Variants in TNK2 observed in about 807,000 individuals in gnomAD.
The protein encoded by TNK2 is tyrosine kinase non receptor 2.
Under a neutral mutation model 101.8 loss-of-function variants are expected in TNK2, and 83 were observed. The observed-to-expected ratio is 0.82, with a 90% CI of 0.68 to 0.98. The LOEUF (loss-of-function observed/expected upper bound fraction) is 0.98. Among genes scored for constraint, TNK2 ranks in the 50% least tolerant of loss-of-function variants. The pLI is 0.00. For synonymous variants in TNK2, 804 were observed against 633.0 expected (o/e 1.27, Z -4.06); for missense variants, 1,665 against 1,483.2 (o/e 1.12, Z -2.01).
At position 195,867,162 on chromosome 3, in the gene TNK2, G is replaced by T. The variant is rs1432051716; in HGVS notation, c.3033+7C>A. The T allele has an allele frequency of 3.7e-6, 6 of 1,612,396 alleles. No homozygotes were observed. In the African/African-American group the frequency reaches 8.0e-5, roughly 22 times the overall value. On this transcript the variant is annotated splice_region_variant and intron_variant, in intron 14 of 15. Transcript: ENST00000672887. Reference sequence around the variant, plus strand: ...TGAGAGCCAGAGTGAGCAGGAGGTGGCGGTACCTTCAGATACTGGGCAGCC... The same window carrying T: ...TGAGAGCCAGAGTGAGCAGGAGGTGTCGGTACCTTCAGATACTGGGCAGCC...
chr3:195,892,466 G>A (rs1560536836), intron 1 of TNK2: 1 of 1,535,632 alleles, frequency 6.5e-7, no homozygotes, highest in East Asian at 2.4e-5. Context: ...CTCCAGGCCA[G>A]GGAACCGACG....
At chr3:195,881,574 A>G (rs1432896469) in intron 6 of TNK2, among the ~76,000 whole-genome samples, 1 of 58,700 alleles carries the variant, frequency 1.7e-5, no homozygotes, top group Non-Finnish European at 2.8e-5. Flanking sequence ...CACAGCATCT[A>G]TCCCTGTAAC....
chr3:195,888,637 G>A lies in TNK2; in HGVS notation c.-18-31C>T. 1 of 1,580,652 alleles carries A rather than the reference G, an allele frequency of 6.3e-7. No individual in the cohort carries two copies. Reference sequence around the variant, plus strand: ...GGGGGAGGAGTGGCTCAGGGACAAGGGTTGTGGGGGGACAACAGGGGCCTG... The same window carrying A: ...GGGGGAGGAGTGGCTCAGGGACAAGAGTTGTGGGGGGACAACAGGGGCCTG... On this transcript the variant is annotated intron_variant, in intron 1 of 15. Coordinates refer to ENST00000672887, the MANE Select transcript of TNK2 (RefSeq NM_001382273.1). The surrounding 1 kb of genome is among the most constrained non-coding windows in gnomAD (Gnocchi z 5.3).
intron 14 of TNK2, 67 bp downstream of exon 14, chr3:195,867,102 G>C: frequency 6.2e-7 from 1 of 1,608,024 alleles, no homozygotes; most frequent in Non-Finnish European, 8.5e-7. Flanking sequence ...AGGGGGCGTG[G>C]GGCTGGGGGC....
intron 1 of TNK2, among the ~76,000 whole-genome samples, chr3:195,890,418 T>C (rs1161593185): frequency 6.6e-6 from 1 of 152,030 alleles, no homozygotes; most frequent in Non-Finnish European, 1.5e-5. Context: ...GATCCCACTT[T>C]ATATATAAAT....
At chr3:195,905,487 C>G (rs1158510843) in intron 1 of TNK2, among the ~76,000 whole-genome samples, 1 of 152,130 alleles carries the variant, frequency 6.6e-6, no homozygotes, top group Admixed American at 6.6e-5. Flanking sequence ...GAGTGAGCCA[C>G]CGTGCCCAGC....
At chr3:195,865,698 G>A (rs544944249) in intron 15 of TNK2, among the ~76,000 whole-genome samples, 1 of 147,168 alleles carries the variant, frequency 6.8e-6, no homozygotes, top group Non-Finnish European at 1.5e-5. Context: ...AGTTAAGAAC[G>A]ACCCGAGACA....
At position 195,867,563 on chromosome 3, in the gene TNK2, G is replaced by T; in HGVS notation, c.2735C>A (p.Pro912His). ...GGGGGCGGCGGGGGCTGGGGTGCTGGGTGGGGGCAGCAGCAGAGGCACAGG... is the reference window on the plus strand; with the variant it reads ...GGGGGCGGCGGGGGCTGGGGTGCTGTGTGGGGGCAGCAGCAGAGGCACAGG... ...PLPVPLLLPP[P>H]STPAPAAPTA... Residue 912 changes from proline (P) to histidine (H), a missense_variant, in exon 13 of 16, where the codon CCC (proline) becomes CAC (histidine). Pro to His is a moderately conservative substitution (Grantham distance 77). This residue lies in a region of TNK2 where 1,136 missense variants were observed against 894.9 expected (regional missense o/e 1.27). Coordinates refer to ENST00000672887, the MANE Select transcript of TNK2 (RefSeq NM_001382273.1). The T allele has an allele frequency of 6.4e-7, 1 of 1,570,782 alleles. No homozygotes were observed. The highest frequency in any genetic ancestry group is 8.6e-7 in the Non-Finnish European group (1 of 1,166,342).
chr3:195,878,989 G>GC lies in TNK2; in HGVS notation c.1014+59dup. 1.3e-6 allele frequency: 2 copies of GC among 1,590,404 alleles called. No individual in the cohort carries two copies. The highest frequency in any genetic ancestry group is 3.4e-5 in the Admixed American group (2 of 59,556). ...GAGGCAGTTCCAGCAGGGCCAGGCT[G>GC]CAAGCAGGGAATGGAATTCACCCCA... On this transcript the variant is annotated intron_variant, in intron 7 of 15. Coordinates refer to ENST00000672887, the MANE Select transcript of TNK2 (RefSeq NM_001382273.1). The surrounding 1 kb of genome is among the most constrained non-coding windows in gnomAD (Gnocchi z 4.7).
chr3:195,867,698 T>C lies in TNK2; in HGVS notation c.2600A>G (p.Lys867Arg), dbSNP rs916534153. ...GTAATAGTGGGTGCTGCTGACCTTCTTGCCATCCCGGACGATGGGCAGGAT... is the reference window on the plus strand; with the variant it reads ...GTAATAGTGGGTGCTGCTGACCTTCCTGCCATCCCGGACGATGGGCAGGAT... The part of the protein sequence containing the change: ...PCILPIVRDG[K>R]KVSSTHYYLL... Residue 867 changes from lysine (K) to arginine (R), a missense_variant, in exon 13 of 16, where the codon AAG becomes AGG. This residue lies in a region of TNK2 where 1,136 missense variants were observed against 894.9 expected (regional missense o/e 1.27). Coordinates refer to ENST00000672887, the MANE Select transcript of TNK2 (RefSeq NM_001382273.1). 4 of 1,608,924 alleles carry C rather than the reference T, an allele frequency of 2.5e-6. No individual in the cohort carries two copies. The highest frequency in any genetic ancestry group is 2.7e-5 in the African/African-American group (2 of 74,820).
intron 12 of TNK2, 169 bp from the exon 13 acceptor site, chr3:195,868,878 C>G (rs540741216): frequency 2.8e-6 from 2 of 726,140 alleles, no homozygotes; most frequent in Non-Finnish European, 4.3e-6. Flanking sequence ...AGCGCACCTC[C>G]GACCACTCCA....
At chr3:195,870,373 G>T (rs1006154426) in intron 10 of TNK2, 168 bp from the exon 11 acceptor site, 1 of 1,482,366 alleles carries the variant, frequency 6.7e-7, no homozygotes. Context: ...TCAGCTGGGG[G>T]GTGTCCTGGA....
rs538927174 is a variant in TNK2, at chr3:195,868,779, C to T, written c.1589-70G>A. On this transcript the variant is annotated intron_variant, in intron 12 of 15. Transcript: ENST00000672887. ...GTCTGGGACACGAGGGGAGGTGGCA[C>T]GTGGGAGAGAAAGCCAAGTGTCCCC... 67 of 1,460,814 alleles carry T rather than the reference C, an allele frequency of 4.6e-5. 1 individual carries two copies. The highest frequency in any genetic ancestry group is 4.5e-4 in the South Asian group (33 of 72,590). 90.5% of individuals were successfully genotyped at this position (1,460,814 alleles called of 1,614,324 possible). A position where few individuals can be genotyped will look rare whatever the true frequency, so the allele number is the denominator to read the frequency against.
In TNK2 at chr3:195,867,676, A is replaced by G; in HGVS notation, c.2622T>C (p.Tyr874=). The G allele has an allele frequency of 6.2e-7, 1 of 1,608,236 alleles. No homozygotes were observed. The highest frequency in any genetic ancestry group is 8.5e-7 in the Non-Finnish European group (1 of 1,179,512). The change falls in exon 13 of 16, where the codon TAT becomes TAC. Residue 874 remains tyrosine, a synonymous_variant. Transcript: ENST00000672887. ...RDGKKVSSTH[Y]YLLPERPSYL... ...AGGATGGTCGCTCGGGCAGCAAGTA[A>G]TAGTGGGTGCTGCTGACCTTCTTGC...
intron 10 of TNK2, among the ~76,000 whole-genome samples, chr3:195,871,434 T>C (rs78765789): frequency 0.016 from 2,394 of 152,046 alleles, 77 homozygotes; most frequent in African/African-American, 0.055. Flanking sequence ...TGGACCTGCA[T>C]ACATCCCCAG....
chr3:195,892,641 CGCTGGGTTTCCACA>C, intron 1 of TNK2: 1 of 1,425,048 alleles, frequency 7.0e-7, no homozygotes, highest in Non-Finnish European at 9.2e-7. Flanking sequence ...CTGCAAGCCC[CGCTGGGTTTCCACA>C]GCTGGCCGGT....
intron 9 of TNK2, among the ~76,000 whole-genome samples, chr3:195,875,683 G>A (rs1380513404): frequency 2.6e-5 from 4 of 152,128 alleles, no homozygotes; most frequent in Admixed American, 6.5e-5. Context: ...TGAACAGGCC[G>A]GAGTCCCCGT....
chr3:195,892,793 C>T (rs951802170), intron 1 of TNK2: 71 of 1,152,922 alleles, frequency 6.2e-5, no homozygotes, highest in East Asian at 4.1e-4. Flanking sequence ...ACTGCCCGCC[C>T]GGCCGCCCTC....
intron 15 of TNK2, among the ~76,000 whole-genome samples, chr3:195,866,421 G>A (rs1264995663): frequency 3.9e-5 from 6 of 152,108 alleles, no homozygotes; most frequent in Non-Finnish European, 7.3e-5. Flanking sequence ...GGCTGGTCTC[G>A]AACTCCTGAC....
Sources: allele counts gnomAD v4.1 joint callset (sites outside exome capture counted in the v4.1 genomes callset), GRCh38; gene constraint gnomAD v4.1.1; regional missense constraint gnomAD v4.1.1; non-coding constraint Gnocchi (gnomAD v3.1); transcripts MANE v1.5; gene names NCBI Gene and HGNC (gene_info 2026-07-23, HGNC 2026-07-21).